QTGAL: variants seen among roughly 807,000 people sequenced by gnomAD.
The protein encoded by QTGAL is BGnT-like protein 1.
At chr17:83,005,890 C>A in the QTGAL span, 1 of 1,369,244 alleles carries the variant, frequency 7.3e-7, no homozygotes, top group African/African-American at 1.5e-5. The surrounding 1 kb of genome is among the most constrained non-coding windows in gnomAD (Gnocchi z 5.6). Context: ...TGACCTCTGC[C>A]CCGGAGTGGG....
the QTGAL span, among the ~76,000 whole-genome samples, chr17:82,974,282 G>A: frequency 2.0e-5 from 3 of 152,290 alleles, no homozygotes; most frequent in South Asian, 6.2e-4. Flanking sequence ...GGTGGCCGGC[G>A]CTGACAAGCT....
the QTGAL span, among the ~76,000 whole-genome samples, chr17:83,038,875 T>TA: frequency 3.6e-4 from 43 of 120,220 alleles, no homozygotes; most frequent in South Asian, 7.6e-4. Context: ...AACAAAAAAA[T>TA]ATTAAAAGAT....
chr17:82,974,259 C>CA, the QTGAL span, among the ~76,000 whole-genome samples: 2 of 152,228 alleles, frequency 1.3e-5, no homozygotes, highest in Non-Finnish European at 2.9e-5. Flanking sequence ...CGCGTGCTGA[C>CA]TGAGGCCGCC....
the QTGAL span, among the ~76,000 whole-genome samples, chr17:82,951,172 T>G: frequency 1.3e-5 from 2 of 152,192 alleles, no homozygotes; most frequent in Non-Finnish European, 2.9e-5. Flanking sequence ...GGCATTGACT[T>G]CTCCCTACCT....
the QTGAL span, among the ~76,000 whole-genome samples, chr17:82,954,961 C>A: frequency 1.3e-5 from 2 of 152,224 alleles, no homozygotes; most frequent in Non-Finnish European, 2.9e-5. Context: ...CCCTTCCTTA[C>A]AGCTTATGAA....
At chr17:82,973,463 G>A in the QTGAL span, among the ~76,000 whole-genome samples, 1 of 152,332 alleles carries the variant, frequency 6.6e-6, no homozygotes, top group Admixed American at 6.5e-5. Flanking sequence ...GTCTTCCCGG[G>A]GAGCAGCGCT....
chr17:83,038,188 A>G, the QTGAL span, among the ~76,000 whole-genome samples: 1 of 152,234 alleles, frequency 6.6e-6, no homozygotes, highest in Non-Finnish European at 1.5e-5. Context: ...CTATTCAAGA[A>G]AAAATATCAT....
At chr17:82,956,661 C>T in the QTGAL span, 21 of 1,522,410 alleles carry the variant, frequency 1.4e-5, no homozygotes, top group Non-Finnish European at 1.6e-5. This position sits in a 1 kb window ranked among gnomAD's most constrained non-coding sequence, Gnocchi z 5.7. Flanking sequence ...CCGGGATCCC[C>T]AAGCCCTTCC....
the QTGAL span, among the ~76,000 whole-genome samples, chr17:83,035,626 G>A: frequency 6.6e-6 from 1 of 151,906 alleles, no homozygotes; most frequent in African/African-American, 2.4e-5. Context: ...GAGTCCACTG[G>A]GTACTTCATT....
chr17:83,012,564 G>A, the QTGAL span, among the ~76,000 whole-genome samples: 1 of 152,142 alleles, frequency 6.6e-6, no homozygotes, highest in Admixed American at 6.5e-5. Flanking sequence ...CTCACGGGCC[G>A]GCACAGGGTC....
At chr17:83,031,341 C>A in the QTGAL span, among the ~76,000 whole-genome samples, 8,021 of 103,580 alleles carry the variant, frequency 0.077, 254 homozygotes, top group Non-Finnish European at 0.088. Flanking sequence ...ACCCACGGGT[C>A]CCTCGCAGGA....
chr17:83,018,602 G>C, the QTGAL span, among the ~76,000 whole-genome samples: 1 of 152,162 alleles, frequency 6.6e-6, no homozygotes, highest in East Asian at 1.9e-4. Context: ...TACATGTCAG[G>C]GTTAAAATTG....
At chr17:83,042,589 G>A in the QTGAL span, among the ~76,000 whole-genome samples, 12 of 152,036 alleles carry the variant, frequency 7.9e-5, no homozygotes, top group African/African-American at 1.9e-4. Context: ...ATGGCACATC[G>A]GAAATAAGCA....
chr17:83,009,646 C>T, the QTGAL span, among the ~76,000 whole-genome samples: 3 of 152,238 alleles, frequency 2.0e-5, no homozygotes, highest in African/African-American at 4.8e-5. Context: ...GCGAGACCTT[C>T]GATGGGCAGC....
At chr17:83,028,467 G>A in the QTGAL span, among the ~76,000 whole-genome samples, 1 of 148,458 alleles carries the variant, frequency 6.7e-6, no homozygotes, top group Non-Finnish European at 1.5e-5. Context: ...GGAGCCTGCA[G>A]TGAGCCGAGA....
the QTGAL span, among the ~76,000 whole-genome samples, chr17:82,952,003 TG>T: frequency 6.6e-6 from 1 of 151,946 alleles, no homozygotes; most frequent in South Asian, 2.1e-4. Context: ...GGCGTGCTGC[TG>T]GAAGAGGGGC....
At chr17:82,959,005 CTGTGTGGGGG>C in the QTGAL span, among the ~76,000 whole-genome samples, 1 of 27,728 alleles carries the variant, frequency 3.6e-5, no homozygotes, top group Non-Finnish European at 5.7e-5. Context: ...TGTGTGTATA[CTGTGTGGGGG>C]TGTATGGTGT....
the QTGAL span, among the ~76,000 whole-genome samples, chr17:83,018,524 T>C: frequency 3.9e-5 from 6 of 152,220 alleles, no homozygotes; most frequent in African/African-American, 1.4e-4. Context: ...TTATCTCTAT[T>C]TTGTAGCCAA....
At chr17:82,974,689 C>A in the QTGAL span, among the ~76,000 whole-genome samples, 1 of 152,220 alleles carries the variant, frequency 6.6e-6, no homozygotes, top group Non-Finnish European at 1.5e-5. Context: ...CCTGGCCCCA[C>A]ATCAAGGCTG....
Sources: gnomAD v4.1 joint callset for allele counts (sites outside exome capture counted in the v4.1 genomes callset) on GRCh38, gnomAD v4.1.1 for gene constraint, Gnocchi (gnomAD v3.1) non-coding constraint, MANE v1.5 for transcripts, NCBI Gene and HGNC (gene_info 2026-07-23, HGNC 2026-07-21) for gene names.